The following ABCC1 variants were observed in gnomAD, a reference collection of about 807,000 sequenced individuals.
ABCC1 encodes multidrug resistance-associated protein 1.
Under a neutral mutation model 172.9 loss-of-function variants are expected in ABCC1, and 83 were observed. The observed-to-expected ratio is 0.48, with a 90% CI of 0.40 to 0.58. The LOEUF is 0.58. Among genes scored for constraint, ABCC1 ranks in the 20% least tolerant of loss-of-function variants. ABCC1 has a pLI of 0.00. For missense variants in ABCC1, 1,817 were observed against 2,002.7 expected, an observed-to-expected ratio of 0.91 and a Z score of 1.77; for synonymous variants, 937 against 825.2, an observed-to-expected ratio of 1.14 and a Z score of -2.32.
rs746382254 is a variant in ABCC1, at chr16:16,111,485, T to C, written c.2982T>C (p.Tyr994=). Residue 994 remains tyrosine (Y), a synonymous_variant, in exon 22 of 31, where the codon TAT becomes TAC. Coordinates refer to ENST00000399410, the MANE Select transcript of ABCC1 (RefSeq NM_004996.4). The part of the protein sequence containing the change: ...CNHVSALASN[Y]WLSLWTDDPI... The stretch of plus-strand genomic sequence containing the variant: ...ATGTGTCCGCGCTGGCTTCCAACTA[T>C]TGGCTCAGCCTCTGGACTGATGACC... The C allele has an allele frequency of 1.2e-6, 2 of 1,614,186 alleles. No homozygotes were observed. The highest frequency in any genetic ancestry group is 8.5e-7 in the Non-Finnish European group (1 of 1,180,016).
chr16:16,056,067 G>T, intron 11 of ABCC1, 25 bp from the exon 12 acceptor site: 1 of 1,611,922 alleles, frequency 6.2e-7, no homozygotes, highest in Non-Finnish European at 8.5e-7. Flanking sequence ...CGCCCCAGAT[G>T]TGTTGACTGC....
chr16:16,069,758 T>C (rs1161100440), intron 13 of ABCC1, among the ~76,000 whole-genome samples: 2 of 151,890 alleles, frequency 1.3e-5, no homozygotes. Flanking sequence ...GCATGATGGC[T>C]CACACCTGCA....
At chr16:16,094,690 T>A (rs956619623) in intron 19 of ABCC1, among the ~76,000 whole-genome samples, 2 of 151,478 alleles carry the variant, frequency 1.3e-5, no homozygotes, top group Non-Finnish European at 2.9e-5. Flanking sequence ...ATTTTTTTTG[T>A]ATTTTTAGTA....
chr16:16,084,844 C>A (rs1381349791), intron 17 of ABCC1, among the ~76,000 whole-genome samples: 1 of 152,176 alleles, frequency 6.6e-6, no homozygotes, highest in Non-Finnish European at 1.5e-5. Context: ...TGATCTTGAA[C>A]TCCTGGCCTC....
intron 10 of ABCC1, 131 bp from the exon 11 acceptor site, chr16:16,052,593 G>T: frequency 1.3e-6 from 1 of 746,660 alleles, no homozygotes; most frequent in Non-Finnish European, 2.3e-6. Flanking sequence ...CCTATTGTGG[G>T]GTAAAAGTAA....
chr16:16,119,388 C>G (rs2045051445), intron 23 of ABCC1, among the ~76,000 whole-genome samples: 1 of 152,308 alleles, frequency 6.6e-6, no homozygotes, highest in South Asian at 2.1e-4. Flanking sequence ...TTGCAGTGAG[C>G]TGACATTGTG....
intron 12 of ABCC1, among the ~76,000 whole-genome samples, chr16:16,066,134 T>G (rs1343877936): frequency 6.6e-6 from 1 of 152,162 alleles, no homozygotes; most frequent in Non-Finnish European, 1.5e-5. Flanking sequence ...GTTTATCTAC[T>G]GTGGACTTTT....
chr16:16,003,198 TG>T (rs1463519325), intron 1 of ABCC1, among the ~76,000 whole-genome samples: 1 of 148,354 alleles, frequency 6.7e-6, no homozygotes, highest in African/African-American at 2.5e-5. Flanking sequence ...GTGGGTAGGG[TG>T]GATGGATGAA....
intron 1 of ABCC1, among the ~76,000 whole-genome samples, chr16:15,987,826 T>C (rs1484247720): frequency 6.6e-6 from 1 of 152,228 alleles, no homozygotes; most frequent in African/African-American, 2.4e-5. Flanking sequence ...TGTTGGCCTC[T>C]CTGCGGTTTC....
intron 6 of ABCC1, among the ~76,000 whole-genome samples, chr16:16,033,992 A>G (rs2048649513): frequency 7.2e-6 from 1 of 138,946 alleles, no homozygotes; most frequent in South Asian, 2.3e-4. Context: ...GATTGTTTGA[A>G]GAATCTTTTT....
chr16:16,011,916 AC>A (rs1226174737), intron 3 of ABCC1, among the ~76,000 whole-genome samples: 6 of 151,330 alleles, frequency 4.0e-5, no homozygotes, highest in African/African-American at 1.5e-4. Flanking sequence ...TGATCCACCC[AC>A]CTAGGCCCCC....
At chr16:16,016,063 C>T (rs566972931) in intron 4 of ABCC1, among the ~76,000 whole-genome samples, 36 of 151,000 alleles carry the variant, frequency 2.4e-4, no homozygotes, top group African/African-American at 5.8e-4. Flanking sequence ...CATTACATCC[C>T]GGGGGGAGCT....
At chr16:15,955,085 G>A (rs571398553) in intron 1 of ABCC1, among the ~76,000 whole-genome samples, 11 of 152,188 alleles carry the variant, frequency 7.2e-5, no homozygotes, top group African/African-American at 2.4e-4. Context: ...TCCAGGCGCC[G>A]TGGCTCATGC....
At position 16,050,747 on chromosome 16, in the gene ABCC1, A is replaced by G. The variant is rs943988614; in HGVS notation, c.1381-1977A>G. ...GTCTCTACAAAAAAAAAAAAAAAAA[A>G]AAAAAATTAGCTGGGCATGGTGGTG... On this transcript the variant is annotated intron_variant, in intron 10 of 30. Coordinates refer to ENST00000399410, the MANE Select transcript of ABCC1 (RefSeq NM_004996.4). 6.7e-5 allele frequency among the ~76,000 whole-genome samples: 10 copies of G among 150,188 alleles called. No individual in the cohort carries two copies. The South Asian group carries it at 2.1e-3, about 32-fold the overall frequency.
intron 1 of ABCC1, among the ~76,000 whole-genome samples, chr16:15,994,310 A>G (rs1338755844): frequency 2.0e-5 from 3 of 152,160 alleles, no homozygotes; most frequent in Non-Finnish European, 4.4e-5. Flanking sequence ...TCAGACTCTC[A>G]GTGGGTTCAA....
chr16:15,957,264 T>A (rs2046019049), intron 1 of ABCC1, among the ~76,000 whole-genome samples: 1 of 150,632 alleles, frequency 6.6e-6, no homozygotes, highest in South Asian at 2.1e-4. Flanking sequence ...TTTTTTTTTT[T>A]TTGTAGAGAT....
Position 16,052,806 on chromosome 16 carries a change from A to G in ABCC1, c.1463A>G (p.Lys488Arg). The G allele has an allele frequency of 1.9e-6, 3 of 1,614,120 alleles. No homozygotes were observed. The highest frequency in any genetic ancestry group is 1.3e-5 in the African/African-American group (1 of 75,022). The change falls in exon 11 of 31, where the codon AAG becomes AGG. Residue 488 changes from lysine to arginine, a missense_variant. Coordinates refer to ENST00000399410, the MANE Select transcript of ABCC1 (RefSeq NM_004996.4). ...AATGCTGTGATGGCGATGAAGACCA[A>G]GACGTATCAGGTAAGGCATGTGTCT... ...PVNAVMAMKT[K>R]TYQVAHMKSK...
intron 24 of ABCC1, among the ~76,000 whole-genome samples, chr16:16,123,134 A>T (rs2045241056): frequency 6.6e-6 from 1 of 152,108 alleles, no homozygotes; most frequent in Non-Finnish European, 1.5e-5. Context: ...ACCCTGAATG[A>T]TTACAGACCT....
At chr16:16,012,831 C>T (rs534353829) in intron 3 of ABCC1, among the ~76,000 whole-genome samples, 21 of 151,992 alleles carry the variant, frequency 1.4e-4, no homozygotes, top group African/African-American at 3.6e-4. Flanking sequence ...TACAGGCACG[C>T]GCCACCACAC....
Sources: gnomAD v4.1 joint callset for allele counts (sites outside exome capture counted in the v4.1 genomes callset) on GRCh38, gnomAD v4.1.1 for gene constraint, MANE v1.5 for transcripts, NCBI Gene and HGNC (gene_info 2026-07-23, HGNC 2026-07-21) for gene names.